Variants in NEK11 observed in about 807,000 individuals in gnomAD.
The protein encoded by NEK11 is NIMA related kinase 11, also known as serine/threonine-protein kinase Nek11.
A neutral mutation model predicts 80.7 loss-of-function variants in NEK11; 72 were observed. The ratio of observed to expected loss-of-function variants is 0.89; its 90% CI spans 0.74 to 1.08. The LOEUF is 1.08. NEK11 is among the 50% of genes least tolerant of loss of function. The pLI is 0.00. For missense variants in NEK11, 764 were observed against 763.6 expected (o/e 1.00, Z -0.01); for synonymous variants, 251 against 260.7 (o/e 0.96, Z 0.36).
chr3:131,226,244 G>A (rs1354088287), intron 14 of NEK11, among the ~76,000 whole-genome samples: 4 of 152,128 alleles, frequency 2.6e-5, no homozygotes, highest in African/African-American at 9.7e-5. Flanking sequence ...TGGCAGAACT[G>A]GAGATCTCTC....
chr3:131,347,431 A>AG (rs1295914170), intron 17 of NEK11, among the ~76,000 whole-genome samples: 39 of 152,352 alleles, frequency 2.6e-4, no homozygotes, highest in Admixed American at 9.8e-4. Flanking sequence ...ACCAGCCTTT[A>AG]AACCAGAGCT....
intron 14 of NEK11, among the ~76,000 whole-genome samples, chr3:131,173,783 A>G (rs2092835041): frequency 1.3e-5 from 2 of 152,192 alleles, no homozygotes; most frequent in South Asian, 4.1e-4. Flanking sequence ...AACCCAAGCT[A>G]TGTCCTTCTT....
chr3:131,083,882 G>T (rs575195738), intron 4 of NEK11, among the ~76,000 whole-genome samples: 24 of 152,226 alleles, frequency 1.6e-4, no homozygotes, highest in African/African-American at 5.1e-4. Flanking sequence ...TCAAATATTG[G>T]TGTCTTCTAT....
intron 7 of NEK11, among the ~76,000 whole-genome samples, chr3:131,146,755 T>A (rs2088384754): frequency 6.6e-6 from 1 of 152,080 alleles, no homozygotes; most frequent in Non-Finnish European, 1.5e-5. Context: ...GTGTGTAGCA[T>A]GTAGTGGTAG....
chr3:131,050,315 T>C (rs748325835), intron 3 of NEK11, among the ~76,000 whole-genome samples: 5 of 152,340 alleles, frequency 3.3e-5, no homozygotes, highest in Non-Finnish European at 7.3e-5. Context: ...TTTGTTTCTC[T>C]GAAGGGATTC....
At chr3:131,041,194 C>T (rs2066418915) in intron 3 of NEK11, among the ~76,000 whole-genome samples, 1 of 152,162 alleles carries the variant, frequency 6.6e-6, no homozygotes, top group South Asian at 2.1e-4. Context: ...GATTATTGAG[C>T]TCTAATGAGT....
intron 12 of NEK11, among the ~76,000 whole-genome samples, chr3:131,166,009 G>C (rs1034437920): frequency 2.1e-4 from 32 of 152,284 alleles, no homozygotes; most frequent in African/African-American, 7.7e-4. Flanking sequence ...TAGAGTTGCA[G>C]ATTCACATGA....
chr3:131,134,111 A>T, intron 7 of NEK11, 155 bp downstream of exon 7: 1 of 596,772 alleles, frequency 1.7e-6, no homozygotes, highest in Non-Finnish European at 2.6e-6. Context: ...TGCATTTAGA[A>T]CTCAATATAT....
chr3:131,143,191 C>T (rs1369754601), intron 7 of NEK11, among the ~76,000 whole-genome samples: 1 of 152,150 alleles, frequency 6.6e-6, no homozygotes, highest in African/African-American at 2.4e-5. Flanking sequence ...AACTATTTTG[C>T]TCCAGCTGCT....
Position 131,249,976 on chromosome 3 carries a change from CTG to C in NEK11, c.1621+6484_1621+6485del, listed in dbSNP as rs766231828. On this transcript the variant is annotated intron_variant, in intron 16 of 17. Coordinates refer to ENST00000383366, the MANE Select transcript of NEK11 (RefSeq NM_024800.5). ...AGACAAGAAAATAAAAATTCAAAAA[CTG>C]TGTATCCACAAAAGTTTTTTAAAAT... is the stretch of plus-strand genomic sequence containing the variant. Among the ~76,000 whole-genome samples, 12 of 152,156 alleles carry C rather than the reference CTG, an allele frequency of 7.9e-5. No individual in the cohort carries two copies. The East Asian group carries it at 9.7e-4, about 12-fold the overall frequency.
intron 5 of NEK11, among the ~76,000 whole-genome samples, chr3:131,113,548 AG>A (rs560959199): frequency 7.6e-4 from 116 of 152,302 alleles, no homozygotes; most frequent in Non-Finnish European, 1.2e-3. Flanking sequence ...ATGCAGAGGC[AG>A]GACTCTTCTA....
In NEK11 at chr3:131,349,672, G is replaced by T. The variant is rs1462179876; in HGVS notation, c.1834G>T (p.Val612Leu). 6.2e-7 allele frequency: 1 copy of T among 1,614,050 alleles called. No homozygotes were observed. The highest frequency in any genetic ancestry group is 8.5e-7 in the Non-Finnish European group (1 of 1,180,038). The change falls in exon 18 of 18, where the codon GTG becomes TTG. Residue 612 changes from valine to leucine, a missense_variant. Physicochemically the swap from Val to Leu is conservative, Grantham distance 32. Transcript: ENST00000383366. ...GATCCGCGAGTGTTTGGAAAAAGTG[G>T]TGCCTCAAGCCAGCGACTGTTTTGA... is the stretch of plus-strand genomic sequence containing the variant. ...AEIRECLEKV[V>L]PQASDCFEVD...
At chr3:131,225,784 A>G (rs1461240245) in intron 14 of NEK11, among the ~76,000 whole-genome samples, 1 of 152,218 alleles carries the variant, frequency 6.6e-6, no homozygotes, top group Non-Finnish European at 1.5e-5. Context: ...AGCATTAAAA[A>G]AATAATTGAA....
intron 17 of NEK11, among the ~76,000 whole-genome samples, chr3:131,343,730 C>A (rs2097320562): frequency 6.6e-6 from 1 of 152,214 alleles, no homozygotes; most frequent in African/African-American, 2.4e-5. Context: ...CTCTGGAGCT[C>A]TGGCCTAAGC....
intron 17 of NEK11, among the ~76,000 whole-genome samples, chr3:131,318,571 T>A (rs1204506515): frequency 6.6e-6 from 1 of 152,028 alleles, no homozygotes; most frequent in Non-Finnish European, 1.5e-5. Flanking sequence ...AACATATATC[T>A]CTGCAAATGC....
chr3:131,297,434 G>C (rs991588476), intron 17 of NEK11, among the ~76,000 whole-genome samples: 1 of 151,682 alleles, frequency 6.6e-6, no homozygotes, highest in Non-Finnish European at 1.5e-5. Flanking sequence ...ATTTTTTCAT[G>C]TGTTTTTTGG....
At chr3:131,096,707 T>A (rs1193638363) in intron 4 of NEK11, among the ~76,000 whole-genome samples, 1 of 152,018 alleles carries the variant, frequency 6.6e-6, no homozygotes, top group Non-Finnish European at 1.5e-5. Flanking sequence ...TTTGACTTTT[T>A]ATTTTAATTT....
intron 5 of NEK11, among the ~76,000 whole-genome samples, chr3:131,126,943 TTTTC>T (rs1348098107): frequency 7.5e-6 from 1 of 134,136 alleles, no homozygotes; most frequent in African/African-American, 2.7e-5. Context: ...TATGTTTTCT[TTTTC>T]TTTCTTTCTT....
chr3:131,323,945 G>A (rs563534963), intron 17 of NEK11, among the ~76,000 whole-genome samples: 46 of 152,276 alleles, frequency 3.0e-4, no homozygotes, highest in African/African-American at 1.1e-3. Context: ...CTCAGTAAAC[G>A]GCTACACATG....
Sources: gnomAD v4.1 joint callset for allele counts (sites outside exome capture counted in the v4.1 genomes callset) on GRCh38, gnomAD v4.1.1 for gene constraint, MANE v1.5 for transcripts, NCBI Gene and HGNC (gene_info 2026-07-23, HGNC 2026-07-21) for gene names.